The following SLC4A10 variants were observed in gnomAD, a reference collection of about 807,000 sequenced individuals.
The protein encoded by SLC4A10 is sodium-driven chloride bicarbonate exchanger.
A neutral mutation model predicts 137.7 loss-of-function variants in SLC4A10; 42 were observed. The ratio of observed to expected loss-of-function variants is 0.30; its 90% CI spans 0.24 to 0.39. SLC4A10 has a LOEUF of 0.39. SLC4A10 is among the 10% of genes least tolerant of loss of function. SLC4A10 has a pLI of 1.00. For missense variants in SLC4A10, 925 were observed against 1,355.0 expected, an observed-to-expected ratio of 0.68 and a Z score of 4.98; for synonymous variants, 474 against 464.1, an observed-to-expected ratio of 1.02 and a Z score of -0.27.
chr2:161,790,779 A>G (rs752869394), intron 2 of SLC4A10, among the ~76,000 whole-genome samples: 8 of 152,210 alleles, frequency 5.3e-5, no homozygotes, highest in Non-Finnish European at 1.0e-4. Context: ...TAAAGTCTTC[A>G]ATAATAGAAT....
At chr2:161,896,148 C>T (rs1254731569) in intron 11 of SLC4A10, among the ~76,000 whole-genome samples, 1 of 152,114 alleles carries the variant, frequency 6.6e-6, no homozygotes, top group Non-Finnish European at 1.5e-5. Context: ...CCAGTTTTCC[C>T]AGCACCATTT....
chr2:161,744,317 T>A (rs781138230), intron 1 of SLC4A10, among the ~76,000 whole-genome samples: 3 of 152,154 alleles, frequency 2.0e-5, no homozygotes, highest in Admixed American at 2.0e-4. Context: ...ATACCCAGGT[T>A]TTTTGAGGAT....
chr2:161,897,009 C>A (rs1454574206), intron 11 of SLC4A10, among the ~76,000 whole-genome samples: 1 of 151,994 alleles, frequency 6.6e-6, no homozygotes, highest in Non-Finnish European at 1.5e-5. Context: ...AAAGACATGA[C>A]TTAATCATAT....
intron 2 of SLC4A10, among the ~76,000 whole-genome samples, chr2:161,776,856 G>GGT (rs71009340): frequency 0.14 from 19,760 of 143,082 alleles, 1,471 homozygotes; most frequent in Admixed American, 0.25. Context: ...CTTATTTTCT[G>GGT]GTGTGTGTGT....
chr2:161,752,170 G>GTGC (rs1265591787), intron 1 of SLC4A10, among the ~76,000 whole-genome samples: 2 of 151,966 alleles, frequency 1.3e-5, no homozygotes, highest in African/African-American at 4.8e-5. Flanking sequence ...CTTGTGTTAA[G>GTGC]TGCTGACCTA....
chr2:161,661,877 G>A (rs181811735), intron 1 of SLC4A10, among the ~76,000 whole-genome samples: 10 of 152,154 alleles, frequency 6.6e-5, no homozygotes, highest in Admixed American at 1.3e-4. Context: ...TAGTACATTA[G>A]GCTACCTTAC....
intron 15 of SLC4A10, among the ~76,000 whole-genome samples, chr2:161,920,677 G>A (rs1290995009): frequency 1.3e-5 from 2 of 152,198 alleles, no homozygotes; most frequent in African/African-American, 4.8e-5. Context: ...TAATCTGGGG[G>A]AGGTGGTGCT....
rs897971888 is a variant in SLC4A10 at position 161,745,315 on chromosome 2, TTTC to T, written c.49-25649_49-25647del. Among the ~76,000 whole-genome samples, 7 of 152,190 alleles carry T rather than the reference TTTC, an allele frequency of 4.6e-5. No individual in the cohort carries two copies. In the South Asian group the frequency reaches 8.3e-4, roughly 18 times the overall value. On this transcript the variant is annotated intron_variant, in intron 1 of 26. Transcript: ENST00000446997. Reference sequence around the variant, plus strand: ...TAAGCTGTCTCAAGCTCACTGATTCTTTCTTCTTCTTGATCAGTTCTGGTGTTG... The same window carrying T: ...TAAGCTGTCTCAAGCTCACTGATTCTTTCTTCTTGATCAGTTCTGGTGTTG...
At chr2:161,700,734 A>G (rs553881726) in intron 1 of SLC4A10, among the ~76,000 whole-genome samples, 18 of 152,118 alleles carry the variant, frequency 1.2e-4, no homozygotes, top group Non-Finnish European at 2.2e-4. Flanking sequence ...GGTGAATCCA[A>G]GATTTAGTCA....
chr2:161,702,826 T>C (rs2043263480), intron 1 of SLC4A10, among the ~76,000 whole-genome samples: 3 of 151,894 alleles, frequency 2.0e-5, no homozygotes, highest in African/African-American at 7.2e-5. Flanking sequence ...ATCAGCAGTG[T>C]ATCTTTGTCT....
intron 2 of SLC4A10, among the ~76,000 whole-genome samples, chr2:161,771,781 T>C (rs777280599): frequency 6.6e-6 from 1 of 151,902 alleles, no homozygotes; most frequent in Non-Finnish European, 1.5e-5. Flanking sequence ...TTAGTGTACA[T>C]ACAGGATTAG....
At chr2:161,669,388 C>T (rs137913147) in intron 1 of SLC4A10, among the ~76,000 whole-genome samples, 30 of 151,744 alleles carry the variant, frequency 2.0e-4, no homozygotes, top group Middle Eastern at 3.4e-3. Context: ...CACATACAGA[C>T]GTACATATAA....
At chr2:161,947,331 A>G (rs966867702) in intron 16 of SLC4A10, among the ~76,000 whole-genome samples, 5 of 152,126 alleles carry the variant, frequency 3.3e-5, no homozygotes, top group Non-Finnish European at 7.4e-5. Context: ...CGTTTTATAC[A>G]TTTAAATTTA....
intron 10 of SLC4A10, among the ~76,000 whole-genome samples, chr2:161,883,317 G>A (rs1364830609): frequency 6.6e-6 from 1 of 152,194 alleles, no homozygotes; most frequent in East Asian, 1.9e-4. Context: ...TGTAAAAAGA[G>A]CCAATTAGTA....
chr2:161,676,315 T>C (rs932206388), intron 1 of SLC4A10, among the ~76,000 whole-genome samples: 1 of 151,874 alleles, frequency 6.6e-6, no homozygotes, highest in Non-Finnish European at 1.5e-5. Flanking sequence ...CTGAAAAGAC[T>C]GTGGGCACTG....
chr2:161,663,000 C>A (rs2038621100), intron 1 of SLC4A10, among the ~76,000 whole-genome samples: 1 of 152,084 alleles, frequency 6.6e-6, no homozygotes, highest in South Asian at 2.1e-4. Context: ...GTATTGTCCA[C>A]CCCCCTTCCC....
intron 11 of SLC4A10, among the ~76,000 whole-genome samples, chr2:161,898,785 G>T (rs968841710): frequency 2.0e-5 from 3 of 152,006 alleles, no homozygotes; most frequent in East Asian, 1.9e-4. Flanking sequence ...ACTCTGTACC[G>T]CACTGATGAA....
chr2:161,705,219 G>T (rs2043527274), intron 1 of SLC4A10, among the ~76,000 whole-genome samples: 1 of 151,438 alleles, frequency 6.6e-6, no homozygotes, highest in African/African-American at 2.4e-5. Context: ...ATTTCAAACA[G>T]TGACTTATAT....
intron 1 of SLC4A10, among the ~76,000 whole-genome samples, chr2:161,754,338 T>C (rs921934355): frequency 6.6e-6 from 1 of 152,072 alleles, no homozygotes; most frequent in Non-Finnish European, 1.5e-5. Context: ...CTTTTTAAAA[T>C]TGCAATAGAA....
Sources: allele counts gnomAD v4.1 joint callset (sites outside exome capture counted in the v4.1 genomes callset), GRCh38; gene constraint gnomAD v4.1.1; transcripts MANE v1.5; gene names NCBI Gene and HGNC (gene_info 2026-07-23, HGNC 2026-07-21).